TNIK: variants seen among roughly 807,000 people sequenced by gnomAD.
The protein encoded by TNIK is TRAF2 and NCK-interacting protein kinase.
Under a neutral mutation model 191.3 loss-of-function variants are expected in TNIK, and 49 were observed. The observed-to-expected ratio is 0.26, with a 90% CI of 0.20 to 0.32. TNIK has a LOEUF of 0.32. TNIK is among the 10% of genes least tolerant of loss of function. The probability of loss-of-function intolerance (pLI) is 1.00; values close to 1 mark genes in which losing one functional copy is unlikely to be tolerated. For missense variants in TNIK, 1,155 were observed against 1,702.3 expected, an observed-to-expected ratio of 0.68 and a Z score of 5.66; for synonymous variants, 594 against 600.9, an observed-to-expected ratio of 0.99 and a Z score of 0.17.
intron 1 of TNIK, among the ~76,000 whole-genome samples, chr3:171,416,651 G>T (rs186441802): frequency 9.0e-4 from 137 of 152,240 alleles, no homozygotes; most frequent in Middle Eastern, 6.8e-3. Flanking sequence ...TATATATCAT[G>T]TCCTTCTCCA....
chr3:171,374,957 C>T (rs1020474089), intron 1 of TNIK, among the ~76,000 whole-genome samples: 1 of 152,120 alleles, frequency 6.6e-6, no homozygotes, highest in African/African-American at 2.4e-5. Flanking sequence ...TACTAATGAG[C>T]GGCAGAGCCA....
At chr3:171,226,259 A>G (rs1042503839) in intron 3 of TNIK, among the ~76,000 whole-genome samples, 1 of 152,174 alleles carries the variant, frequency 6.6e-6, no homozygotes, top group Non-Finnish European at 1.5e-5. Flanking sequence ...GTAATGTTGT[A>G]TGGAAGTAGA....
intron 2 of TNIK, among the ~76,000 whole-genome samples, chr3:171,327,882 G>C (rs1755955397): frequency 8.1e-6 from 1 of 123,282 alleles, no homozygotes; most frequent in Non-Finnish European, 1.6e-5. Flanking sequence ...CAGATCTGTG[G>C]CTCCCAAACC....
intron 2 of TNIK, among the ~76,000 whole-genome samples, chr3:171,251,536 A>T (rs1429252157): frequency 6.6e-6 from 1 of 152,212 alleles, no homozygotes; most frequent in African/African-American, 2.4e-5. Context: ...AGCAAGGGCC[A>T]TTGCAAGGTG....
At chr3:171,269,743 T>C (rs1748858305) in intron 2 of TNIK, among the ~76,000 whole-genome samples, 1 of 152,238 alleles carries the variant, frequency 6.6e-6, no homozygotes, top group African/African-American at 2.4e-5. Context: ...GGAGAGATTA[T>C]AGTTTCACTT....
Position 171,107,879 on chromosome 3 carries a change from G to T in TNIK, c.2382+186C>A, listed in dbSNP as rs575457126. The T allele has an allele frequency of 1.8e-3, 918 of 497,428 alleles. 1 individual carries two copies. The highest frequency in any genetic ancestry group is 3.2e-3 in the Admixed American group (86 of 26,516). The allele number at this position is 497,428 out of a possible 1,614,324, so 30.8% of individuals were successfully genotyped here. Reference sequence around the variant, plus strand: ...GATCAGCAAATAGCCAAAGGCAGAGGAGTCAATCCAAGATCTCTTCGGTTC... The same window carrying T: ...GATCAGCAAATAGCCAAAGGCAGAGTAGTCAATCCAAGATCTCTTCGGTTC... On this transcript the variant is annotated intron_variant, in intron 20 of 32. Transcript: ENST00000436636.
At chr3:171,275,212 T>C (rs1425263293) in intron 2 of TNIK, among the ~76,000 whole-genome samples, 2 of 152,150 alleles carry the variant, frequency 1.3e-5, no homozygotes, top group Non-Finnish European at 2.9e-5. Context: ...CACCAACTCA[T>C]TCAAATATCA....
intron 24 of TNIK, 55 bp from the exon 25 acceptor site, chr3:171,085,284 A>C: frequency 6.8e-7 from 1 of 1,472,516 alleles, no homozygotes; most frequent in Non-Finnish European, 9.2e-7. Context: ...AGGAATAACA[A>C]TGCTAACAAT....
chr3:171,188,802 C>A lies in TNIK; in HGVS notation c.539G>T (p.Arg180Leu), dbSNP rs763443724. Residue 180 changes from arginine to leucine, a missense_variant, in exon 7 of 33, where the codon CGA (arginine) becomes CTA (leucine). Coordinates refer to ENST00000436636, the MANE Select transcript of TNIK (RefSeq NM_015028.4). ...VDFGVSAQLD[R>L]TVGRRNTFIG... Reference sequence around the variant, plus strand: ...GAAAGTATTCCTCCTGCCCACTGTTCGATCAAGCTGAGCACTGACTCCAAA... The same window carrying A: ...GAAAGTATTCCTCCTGCCCACTGTTAGATCAAGCTGAGCACTGACTCCAAA... The A allele has an allele frequency of 6.2e-7, 1 of 1,613,418 alleles. No homozygotes were observed. Among genetic ancestry groups the A allele is most frequent in the Non-Finnish European group, 8.5e-7 (1 of 1,179,562 alleles).
rs1486987771 is a variant in TNIK, at chr3:171,101,505, A to G, written c.2535T>C (p.Asp845=). ...ESESSEEEEE[D]GESETHDGTV... ...TCCCATCATGGGTCTCGCTCTCTCC[A>G]TCTTCCTCCTCTTCCTCGCTACTTT... The change falls in exon 22 of 33, where the codon GAT becomes GAC. Residue 845 remains aspartate, a synonymous_variant. Transcript: ENST00000436636. 8.7e-6 allele frequency: 14 copies of G among 1,613,344 alleles called. No individual in the cohort carries two copies. Among genetic ancestry groups the G allele is most frequent in the South Asian group, 2.2e-5 (2 of 91,046 alleles).
intron 2 of TNIK, among the ~76,000 whole-genome samples, chr3:171,329,052 C>G (rs925748810): frequency 6.6e-6 from 1 of 152,166 alleles, no homozygotes; most frequent in Non-Finnish European, 1.5e-5. Context: ...TCATACTATT[C>G]TTGATGCCTT....
At chr3:171,124,541 G>C (rs926302954) in intron 17 of TNIK, among the ~76,000 whole-genome samples, 1 of 152,142 alleles carries the variant, frequency 6.6e-6, no homozygotes, top group African/African-American at 2.4e-5. Flanking sequence ...TTATTTAAAA[G>C]AATCATATTA....
chr3:171,243,080 G>T (rs1560311256), intron 2 of TNIK, among the ~76,000 whole-genome samples: 1 of 152,114 alleles, frequency 6.6e-6, no homozygotes, highest in Admixed American at 6.5e-5. Context: ...AGCTCTCATG[G>T]TTTTCATGAA....
At chr3:171,385,566 T>G (rs149355464) in intron 1 of TNIK, among the ~76,000 whole-genome samples, 2 of 151,978 alleles carry the variant, frequency 1.3e-5, no homozygotes, top group African/African-American at 2.4e-5. Context: ...AGGCAGGAAA[T>G]CGATACAAAC....
At chr3:171,298,940 T>C (rs916945010) in intron 2 of TNIK, among the ~76,000 whole-genome samples, 2 of 152,196 alleles carry the variant, frequency 1.3e-5, no homozygotes, top group African/African-American at 4.8e-5. Flanking sequence ...GGCTCCATCA[T>C]GGCACCATGG....
At chr3:171,312,045 AAG>A (rs1754074666) in intron 2 of TNIK, among the ~76,000 whole-genome samples, 1 of 150,208 alleles carries the variant, frequency 6.7e-6, no homozygotes, top group Non-Finnish European at 1.5e-5. Context: ...TGGAGAAAAA[AAG>A]GGAGGGGAGA....
chr3:171,084,427 T>C, intron 25 of TNIK, 102 bp from the exon 26 acceptor site: 2 of 1,373,602 alleles, frequency 1.5e-6, no homozygotes, highest in South Asian at 3.0e-5. Flanking sequence ...GTTTGAATTA[T>C]AGTAAAGGCA....
chr3:171,228,165 C>T lies in TNIK; in HGVS notation c.180G>A (p.Gly60=), dbSNP rs760553419. The change falls in exon 3 of 33, where the codon GGG becomes GGA. Residue 60 remains glycine (G), a splice_region_variant and synonymous_variant. Coordinates refer to ENST00000436636, the MANE Select transcript of TNIK (RefSeq NM_015028.4). Reference sequence around the variant, plus strand: ...GAGATGGCAAAATAAAGACACTTACCCCTGTGACATCCATAACCTTGATGG... The same window carrying T: ...GAGATGGCAAAATAAAGACACTTACTCCTGTGACATCCATAACCTTGATGG... The part of the protein sequence containing the change: ...LAAIKVMDVT[G]DEEEEIKQEI... 1.2e-6 allele frequency: 2 copies of T among 1,613,364 alleles called. No individual in the cohort carries two copies. Among genetic ancestry groups the T allele is most frequent in the Non-Finnish European group, 1.7e-6 (2 of 1,179,574 alleles).
chr3:171,373,260 T>C (rs1716770147), intron 1 of TNIK, among the ~76,000 whole-genome samples: 1 of 150,138 alleles, frequency 6.7e-6, no homozygotes, highest in Non-Finnish European at 1.5e-5. Flanking sequence ...TTTTGAGGCA[T>C]TTATACTCCT....
Sources: gnomAD v4.1 joint callset for allele counts (sites outside exome capture counted in the v4.1 genomes callset) on GRCh38, gnomAD v4.1.1 for gene constraint, MANE v1.5 for transcripts, NCBI Gene and HGNC (gene_info 2026-07-23, HGNC 2026-07-21) for gene names.